GRM6: variants seen among roughly 807,000 people sequenced by gnomAD.
GRM6 encodes metabotropic glutamate receptor 6.
A neutral mutation model predicts 78.4 loss-of-function variants in GRM6; 73 were observed. That is an observed-to-expected ratio of 0.93 (90% confidence interval 0.77 to 1.13). GRM6 has a LOEUF of 1.13. GRM6 is among the 50% of genes most tolerant of loss of function. The pLI is 0.00. For missense variants in GRM6, 1,251 were observed against 1,256.4 expected (o/e 1.00, Z 0.07); for synonymous variants, 580 against 555.0 (o/e 1.05, Z -0.63).
Position 178,994,563 on chromosome 5 carries a change from C to G in GRM6, c.382G>C (p.Val128Leu), listed in dbSNP as rs990355527. ...RGRGDGDEVG[V>L]RCPGGVPPLR... Reference sequence around the variant, plus strand: ...GGAGGGACGCCTCCCGGGCAGCGCACGCCCACCTCGTCGCCGTCGCCGCGG... The same window carrying G: ...GGAGGGACGCCTCCCGGGCAGCGCAGGCCCACCTCGTCGCCGTCGCCGCGG... The change falls in exon 2 of 11, where the codon GTG (valine) becomes CTG (leucine). Residue 128 changes from valine (V) to leucine (L), a missense_variant. Coordinates refer to ENST00000517717, the MANE Select transcript of GRM6 (RefSeq NM_000843.4). 3 of 1,335,272 alleles carry G rather than the reference C, an allele frequency of 2.2e-6. No homozygotes were observed. Among genetic ancestry groups the G allele is most frequent in the Non-Finnish European group, 1.9e-6 (2 of 1,048,574 alleles). The allele number at this position is 1,335,272 out of a possible 1,614,324, so 82.7% of individuals were successfully genotyped here.
At chr5:178,984,363 G>T (rs1445316872) in intron 9 of GRM6, among the ~76,000 whole-genome samples, 4 of 152,204 alleles carry the variant, frequency 2.6e-5, no homozygotes, top group Non-Finnish European at 5.9e-5. Flanking sequence ...CTGAGCCCAG[G>T]AGAGGAAAGC....
At position 178,982,692 on chromosome 5, in the gene GRM6, T is replaced by TA. The variant is rs11335877; in HGVS notation, c.2436+217dup. 0.36 allele frequency: 152,901 copies of TA among 427,216 alleles called. 16,086 individuals are homozygous for TA. The highest frequency in any genetic ancestry group is 0.44 in the African/African-American group (19,582 of 45,006). 26.5% of individuals were successfully genotyped at this position (427,216 alleles called of 1,614,324 possible). On this transcript the variant is annotated intron_variant, in intron 10 of 10. Coordinates refer to ENST00000517717, the MANE Select transcript of GRM6 (RefSeq NM_000843.4). ...ATATCTCTCAAAGAAATGAAAATGA[T>TA]AAAAAAAAAAAAGAAAAAAAGAAGA...
intron 7 of GRM6, chr5:178,987,301 C>G: frequency 1.9e-6 from 1 of 529,080 alleles, no homozygotes; most frequent in South Asian, 1.5e-5. Context: ...CCAGCAGTTC[C>G]ACTCCCGGGT....
rs1398819107 is a variant in GRM6 at position 178,992,071 on chromosome 5, T to C, written c.517A>G (p.Ser173Gly). ...VLRLFAIPQISYASTAPELSD... is the reference protein window; with the variant it reads ...VLRLFAIPQIGYASTAPELSD... ...AGCTCCGGGGCTGTGGAGGCATAGCTGATCTGGGGTATCTGTGGGGCAGGA... is the reference window on the plus strand; with the variant it reads ...AGCTCCGGGGCTGTGGAGGCATAGCCGATCTGGGGTATCTGTGGGGCAGGA... Residue 173 changes from serine (S) to glycine (G), a missense_variant, in exon 3 of 11, where the codon AGC (serine) becomes GGC (glycine). By Grantham distance (56) the Ser-to-Gly change is moderately conservative. Transcript: ENST00000517717. The surrounding 1 kb of genome is among the most constrained non-coding windows in gnomAD (Gnocchi z 4.9). 6.2e-7 allele frequency: 1 copy of C among 1,612,608 alleles called. No homozygotes were observed. The highest frequency in any genetic ancestry group is 8.5e-7 in the Non-Finnish European group (1 of 1,179,054).
In GRM6 at chr5:178,991,697, A is replaced by G. The variant is rs1365450299; in HGVS notation, c.722-138T>C. ...TGGCCTGCACCCTCCGCCAAGCCTG[A>G]GGCAGGGCTGAGTCGTCCAAAACAA... On this transcript the variant is annotated intron_variant, in intron 3 of 10. Coordinates refer to ENST00000517717, the MANE Select transcript of GRM6 (RefSeq NM_000843.4). The surrounding 1 kb of genome is among the most constrained non-coding windows in gnomAD (Gnocchi z 5.0). 8.1e-7 allele frequency: 1 copy of G among 1,230,626 alleles called. No individual in the cohort carries two copies. The highest frequency in any genetic ancestry group is 1.2e-5 in the South Asian group (1 of 82,666). 76.2% of individuals were successfully genotyped at this position (1,230,626 alleles called of 1,614,324 possible). A position where few individuals can be genotyped will look rare whatever the true frequency, so the allele number is the denominator to read the frequency against.
At position 178,983,166 on chromosome 5, in the gene GRM6, T is replaced by C. The variant is rs775968983; in HGVS notation, c.2180A>G (p.Tyr727Cys). 12 of 1,613,768 alleles carry C rather than the reference T, an allele frequency of 7.4e-6. No individual in the cohort carries two copies. In the South Asian group the frequency reaches 9.9e-5, roughly 13 times the overall value. The change falls in exon 10 of 11, where the codon TAT becomes TGT. Residue 727 changes from tyrosine to cysteine, a missense_variant. Tyr to Cys is a radical substitution (Grantham distance 194). Coordinates refer to ENST00000517717, the MANE Select transcript of GRM6 (RefSeq NM_000843.4). ...GGGGTCCACCGTCCGCTGTTCCTCATAGTCAATCACGCTGTGTGGGGGCCG... is the reference window on the plus strand; with the variant it reads ...GGGGTCCACCGTCCGCTGTTCCTCACAGTCAATCACGCTGTGTGGGGGCCG... Reference protein sequence around the residue: ...GARPPHSVIDYEEQRTVDPEQ... With the variant: ...GARPPHSVIDCEEQRTVDPEQ...
Position 178,981,590 on chromosome 5 carries a change from C to T in GRM6, c.*67G>A, listed in dbSNP as rs1022829887. On this transcript the variant is annotated 3_prime_UTR_variant, in exon 11 of 11. Coordinates refer to ENST00000517717, the MANE Select transcript of GRM6 (RefSeq NM_000843.4). This position sits in a 1 kb window ranked among gnomAD's most constrained non-coding sequence, Gnocchi z 5.1. ...GTTCACCGTGGACCCGGGCTCTATA[C>T]AGCTTCCACCTCGAGGCAAGAGGAA... The T allele has an allele frequency of 2.0e-5, 26 of 1,275,720 alleles. No individual in the cohort carries two copies. Among genetic ancestry groups the T allele is most frequent in the African/African-American group, 4.4e-5 (3 of 68,506 alleles). 79.0% of individuals were successfully genotyped at this position (1,275,720 alleles called of 1,614,324 possible). A position where few individuals can be genotyped will look rare whatever the true frequency, so the allele number is the denominator to read the frequency against.
intron 9 of GRM6, chr5:178,983,639 C>T (rs76759810): frequency 2.5e-5 from 9 of 353,484 alleles, no homozygotes; most frequent in Middle Eastern, 3.8e-4. Flanking sequence ...AGCCTCCTCA[C>T]GTGTACTGAG....
intron 8 of GRM6, 34 bp from the exon 9 acceptor site, chr5:178,986,787 C>A: frequency 6.2e-7 from 1 of 1,611,634 alleles, no homozygotes; most frequent in Non-Finnish European, 8.5e-7. Flanking sequence ...GGGGCGTCTG[C>A]CTCCGGGATC....
Position 178,990,622 on chromosome 5 carries a change from T to C in GRM6, c.982A>G (p.Thr328Ala), listed in dbSNP as rs1393365976. Reference sequence around the variant, plus strand: ...ATGGAGGCCCTTTTGGGCAGGATGGTGATGGCCCCAACGGCCACGTCCTCC... The same window carrying C: ...ATGGAGGCCCTTTTGGGCAGGATGGCGATGGCCCCAACGGCCACGTCCTCC... ...SLEDVAVGAITILPKRASIDG... is the reference protein window; with the variant it reads ...SLEDVAVGAIAILPKRASIDG... Residue 328 changes from threonine (T) to alanine (A), a missense_variant, in exon 5 of 11, where the codon ACC becomes GCC. Transcript: ENST00000517717. 6.2e-7 allele frequency: 1 copy of C among 1,613,092 alleles called. No individual in the cohort carries two copies. The highest frequency in any genetic ancestry group is 2.2e-5 in the East Asian group (1 of 44,874).
rs1581899004 is a variant in GRM6, at chr5:178,992,456, G to A, written c.505-373C>T. 1 of 382,028 alleles carries A rather than the reference G, an allele frequency of 2.6e-6. No homozygotes were observed. Among genetic ancestry groups the A allele is most frequent in the Non-Finnish European group, 5.2e-6 (1 of 193,846 alleles). The allele number at this position is 382,028 out of a possible 1,614,324, so 23.7% of individuals were successfully genotyped here. A position where few individuals can be genotyped will look rare whatever the true frequency, so the allele number is the denominator to read the frequency against. ...TCTGCCTGTCCTAGTCAGGCCCAGGGCAAAGCACGTTTTCTTGATTCACAC... is the reference window on the plus strand; with the variant it reads ...TCTGCCTGTCCTAGTCAGGCCCAGGACAAAGCACGTTTTCTTGATTCACAC... On this transcript the variant is annotated intron_variant, in intron 2 of 10. Transcript: ENST00000517717. This position sits in a 1 kb window ranked among gnomAD's most constrained non-coding sequence, Gnocchi z 4.9.
rs1363732827 is a variant in GRM6, at chr5:178,986,145, G to A, written c.2109C>T (p.Ser703=). The change falls in exon 9 of 11, where the codon AGC becomes AGT. Residue 703 remains serine, a synonymous_variant. Transcript: ENST00000517717. ...ACGGACCCACCTGCAGGGAGGTGAG[G>A]CTGAAGGTGATGACCAGCTGTGAGG... The part of the protein sequence containing the change: ...SPTSQLVITF[S]LTSLQVVGMI... The A allele has an allele frequency of 6.2e-7, 1 of 1,613,554 alleles. No individual in the cohort carries two copies. The highest frequency in any genetic ancestry group is 8.5e-7 in the Non-Finnish European group (1 of 1,179,752).
rs772230209 is a variant in GRM6, at chr5:178,986,638, TG to T, written c.1615del (p.His539ThrfsTer24). 1.9e-6 allele frequency: 3 copies of T among 1,602,790 alleles called. No individual in the cohort carries two copies. The Admixed American group carries it at 5.0e-5, about 27-fold the overall frequency. ...KMVKGVPCCWHCEACDGYRFQ... is the reference protein window; with the variant it reads ...KMVKGVPCCWXCEACDGYRFQ... ...GCGGTACCCGTCACAGGCCTCGCAG[TG>T]CCAACAGCAGGGGACGCCCTTCACC... On this transcript the variant is annotated frameshift_variant, in exon 9 of 11. Transcript: ENST00000517717. LOFTEE classifies it high-confidence loss of function.
At position 178,986,465 on chromosome 5, in the gene GRM6, T is replaced by A. The variant is rs555037586; in HGVS notation, c.1789A>T (p.Ile597Phe). 4.6e-5 allele frequency: 74 copies of A among 1,612,508 alleles called. No homozygotes were observed. The highest frequency in any genetic ancestry group is 6.0e-5 in the Non-Finnish European group (71 of 1,179,666). Residue 597 changes from isoleucine (I) to phenylalanine (F), a missense_variant, in exon 9 of 11, where the codon ATC becomes TTC. Transcript: ENST00000517717. The part of the protein sequence containing the change: ...APPLLLAVLG[I>F]VATTTVVATF... ...GCCACCACCGTGGTAGTGGCCACGATGCCCAGCACGGCCAGGAGGAGCGGC... is the reference window on the plus strand; with the variant it reads ...GCCACCACCGTGGTAGTGGCCACGAAGCCCAGCACGGCCAGGAGGAGCGGC...
Position 178,991,800 on chromosome 5 carries a change from T to C in GRM6, c.721+67A>G, listed in dbSNP as rs772989089. The C allele has an allele frequency of 2.2e-6, 3 of 1,380,394 alleles. No individual in the cohort carries two copies. Among genetic ancestry groups the C allele is most frequent in the African/African-American group, 1.4e-5 (1 of 69,896 alleles). 85.5% of individuals were successfully genotyped at this position (1,380,394 alleles called of 1,614,324 possible). A position where few individuals can be genotyped will look rare whatever the true frequency, so the allele number is the denominator to read the frequency against. On this transcript the variant is annotated intron_variant, in intron 3 of 10. Coordinates refer to ENST00000517717, the MANE Select transcript of GRM6 (RefSeq NM_000843.4). This position sits in a 1 kb window ranked among gnomAD's most constrained non-coding sequence, Gnocchi z 5.0. The stretch of plus-strand genomic sequence containing the variant: ...CCTGGGCCCCCCATCTTTCTGCTTC[T>C]GCCCCAACTGAGGGCCCCGGGCCCA...
Position 178,978,695 on chromosome 5 carries a change from A to AATATG in GRM6, c.*2961_*2962insCATAT, listed in dbSNP as rs1760333238. On this transcript the variant is annotated 3_prime_UTR_variant, in exon 11 of 11. Transcript: ENST00000517717. ...ACATGGAATAAGCCTCCAACCCAGA[A>AATATG]CTCCATTTTCACTGGAACATATAAT... is the stretch of plus-strand genomic sequence containing the variant. 1 of 152,142 alleles carries AATATG rather than the reference A, an allele frequency of 6.6e-6. No homozygotes were observed. The highest frequency in any genetic ancestry group is 1.5e-5 in the Non-Finnish European group (1 of 68,020). The allele number at this position is 152,142 out of a possible 1,614,324, so 9.4% of individuals were successfully genotyped here.
At position 178,986,971 on chromosome 5, in the gene GRM6, G is replaced by C; in HGVS notation, c.1367C>G (p.Thr456Ser). The C allele has an allele frequency of 6.2e-7, 1 of 1,613,812 alleles. No homozygotes were observed. The highest frequency in any genetic ancestry group is 8.5e-7 in the Non-Finnish European group (1 of 1,179,912). ...TCCGTTCTCGTTGAACATCACAGGG[G>C]TTCCTGCGCTGCCTGGAGAGAGAGT... ...RAVRFNGSAG[T>S]PVMFNENGDA... is the part of the protein sequence containing the mutation. The change falls in exon 8 of 11, where the codon ACC (threonine) becomes AGC (serine). Residue 456 changes from threonine to serine, a missense_variant. Physicochemically the swap from Thr to Ser is moderately conservative, Grantham distance 58. Transcript: ENST00000517717.
chr5:178,990,666 G>T lies in GRM6; in HGVS notation c.938C>A (p.Thr313Asn). The change falls in exon 5 of 11, where the codon ACC becomes AAC. Residue 313 changes from threonine to asparagine, a missense_variant. Physicochemically the swap from Thr to Asn is moderately conservative, Grantham distance 65 (BLOSUM62 0). Coordinates refer to ENST00000517717, the MANE Select transcript of GRM6 (RefSeq NM_000843.4). ...WVGSDSWGAK[T>N]SPILSLEDVA... is the part of the protein sequence containing the mutation. ...GTCCTCCAGGCTCAAGATGGGTGAG[G>T]TCTTGGCTCCCCAGCTGTCTGAGCC... 1 of 1,609,572 alleles carries T rather than the reference G, an allele frequency of 6.2e-7. No individual in the cohort carries two copies. The highest frequency in any genetic ancestry group is 8.5e-7 in the Non-Finnish European group (1 of 1,178,426).
chr5:178,984,787 G>A (rs79615824), intron 9 of GRM6, among the ~76,000 whole-genome samples: 7,018 of 152,192 alleles, frequency 0.046, 225 homozygotes, highest in Non-Finnish European at 0.072. Flanking sequence ...TGTGTGGAAC[G>A]AATAGAGAAG....
Sources: gnomAD v4.1 joint callset for allele counts (sites outside exome capture counted in the v4.1 genomes callset) on GRCh38, gnomAD v4.1.1 for gene constraint, Gnocchi (gnomAD v3.1) non-coding constraint, MANE v1.5 for transcripts, NCBI Gene and HGNC (gene_info 2026-07-23, HGNC 2026-07-21) for gene names.